Variants in NRG3 observed in about 807,000 individuals in gnomAD.
NRG3 encodes the protein pro-neuregulin-3, membrane-bound isoform.
A neutral mutation model predicts 66.9 loss-of-function variants in NRG3; 31 were observed. The observed-to-expected ratio is 0.46, with a 90% CI of 0.35 to 0.63. The LOEUF (loss-of-function observed/expected upper bound fraction) is 0.63. Ranked by LOEUF, NRG3 falls within the 20% of genes least tolerant of loss-of-function variation. The pLI is 0.00. For missense variants in NRG3, 910 were observed against 878.9 expected (o/e 1.04, Z -0.45); for synonymous variants, 393 against 359.4 (o/e 1.09, Z -1.06).
intron 4 of NRG3, among the ~76,000 whole-genome samples, chr10:82,915,174 T>A (rs1845709438): frequency 6.6e-6 from 1 of 152,236 alleles, no homozygotes; most frequent in African/African-American, 2.4e-5. Flanking sequence ...CAGCAATGGC[T>A]TCTGCTCCCT....
chr10:82,472,536 T>C (rs912754173), intron 2 of NRG3, among the ~76,000 whole-genome samples: 2 of 152,250 alleles, frequency 1.3e-5, no homozygotes, highest in African/African-American at 2.4e-5. Flanking sequence ...TTATCAAGCA[T>C]CGCCGTTTTA....
At chr10:82,062,773 A>G (rs912663566) in intron 1 of NRG3, among the ~76,000 whole-genome samples, 3 of 152,200 alleles carry the variant, frequency 2.0e-5, no homozygotes, top group Non-Finnish European at 4.4e-5. Flanking sequence ...AGGGAAACCA[A>G]AAATGAAGGG....
chr10:82,483,991 A>T (rs1294914687), intron 2 of NRG3, among the ~76,000 whole-genome samples: 1 of 152,224 alleles, frequency 6.6e-6, no homozygotes, highest in African/African-American at 2.4e-5. Flanking sequence ...TTATAGTTCA[A>T]ACTTTTAATC....
At chr10:82,966,472 A>T (rs761490385) in intron 6 of NRG3, among the ~76,000 whole-genome samples, 16 of 152,182 alleles carry the variant, frequency 1.1e-4, no homozygotes, top group Non-Finnish European at 2.4e-4. Context: ...TCATATCAAG[A>T]TACACGCTAC....
At chr10:82,814,200 G>A (rs1201816235) in intron 3 of NRG3, among the ~76,000 whole-genome samples, 1 of 152,170 alleles carries the variant, frequency 6.6e-6, no homozygotes, top group Non-Finnish European at 1.5e-5. Context: ...TCAGCATGTA[G>A]CTTTCCAAAC....
chr10:82,404,485 G>A (rs1037294159), intron 2 of NRG3, among the ~76,000 whole-genome samples: 3 of 152,144 alleles, frequency 2.0e-5, no homozygotes, highest in African/African-American at 7.2e-5. Flanking sequence ...AAATAGAGAA[G>A]CTGCGATTTA....
At chr10:82,167,924 C>A (rs113530298) in intron 1 of NRG3, among the ~76,000 whole-genome samples, 1 of 151,544 alleles carries the variant, frequency 6.6e-6, no homozygotes, top group East Asian at 1.9e-4. Context: ...AGGGGGAAAG[C>A]GTGAGAGGGA....
intron 2 of NRG3, among the ~76,000 whole-genome samples, chr10:82,534,360 G>A (rs1165846012): frequency 6.6e-6 from 1 of 151,948 alleles, no homozygotes. Context: ...GCGCTCCCGG[G>A]TTGAAGCTAT....
rs1190138475 is a variant in NRG3 at position 82,231,828 on chromosome 10, T to TA, written c.824-126910dup. ...TCATTGTGTTTTTCTCCATTAAAGA[T>TA]ATGTCTTCATAAATTCTCTAAAATT... On this transcript the variant is annotated intron_variant, in intron 1 of 8. Transcript: ENST00000372141. Among the ~76,000 whole-genome samples the TA allele has an allele frequency of 2.6e-5, 4 of 152,218 alleles. No homozygotes were observed. In the East Asian group the frequency reaches 7.7e-4, roughly 29 times the overall value.
At chr10:82,006,094 T>G (rs566448347) in intron 1 of NRG3, among the ~76,000 whole-genome samples, 4 of 152,274 alleles carry the variant, frequency 2.6e-5, no homozygotes, top group African/African-American at 7.2e-5. Context: ...TGCATTTGAT[T>G]CTGTTTTCCC....
chr10:82,503,375 A>G (rs1315089280), intron 2 of NRG3, among the ~76,000 whole-genome samples: 1 of 152,210 alleles, frequency 6.6e-6, no homozygotes, highest in African/African-American at 2.4e-5. Flanking sequence ...TTCTGAGAGA[A>G]GGAACTTTGG....
intron 1 of NRG3, among the ~76,000 whole-genome samples, chr10:82,153,396 C>A (rs2070927834): frequency 7.0e-6 from 1 of 142,652 alleles, no homozygotes; most frequent in Non-Finnish European, 1.5e-5. Flanking sequence ...TTGTGTAAGG[C>A]TATATAGTAT....
chr10:82,518,644 G>A (rs1359030853), intron 2 of NRG3, among the ~76,000 whole-genome samples: 1 of 152,016 alleles, frequency 6.6e-6, no homozygotes, highest in Non-Finnish European at 1.5e-5. Flanking sequence ...GATATGTGAA[G>A]CAGTTAACAT....
chr10:82,237,954 G>A (rs1350281415), intron 1 of NRG3, among the ~76,000 whole-genome samples: 1 of 152,080 alleles, frequency 6.6e-6, no homozygotes, highest in Non-Finnish European at 1.5e-5. Context: ...ATAAGAAAAA[G>A]TATTGGTTTC....
chr10:82,672,802 T>G (rs1042683012), intron 2 of NRG3, among the ~76,000 whole-genome samples: 1 of 152,174 alleles, frequency 6.6e-6, no homozygotes, highest in Admixed American at 6.5e-5. Context: ...TGGGCTGGAG[T>G]GCAGTGGCAC....
At chr10:82,398,238 G>C (rs1450088944) in intron 2 of NRG3, among the ~76,000 whole-genome samples, 1 of 152,140 alleles carries the variant, frequency 6.6e-6, no homozygotes, top group East Asian at 1.9e-4. Context: ...TATGGGGAGA[G>C]AAACCAAATA....
chr10:82,920,546 C>T (rs926148477), intron 4 of NRG3, among the ~76,000 whole-genome samples: 22 of 152,072 alleles, frequency 1.4e-4, no homozygotes, highest in South Asian at 6.2e-4. Flanking sequence ...CTAGAAGCAA[C>T]GACACCCCAG....
At chr10:82,067,554 G>T (rs2064553980) in intron 1 of NRG3, among the ~76,000 whole-genome samples, 1 of 152,120 alleles carries the variant, frequency 6.6e-6, no homozygotes, top group Admixed American at 6.6e-5. Context: ...CGCCATGTTG[G>T]CCAGGCTGGT....
chr10:82,807,593 G>A lies in NRG3; in HGVS notation c.1028-57818G>A, dbSNP rs116074496. The stretch of plus-strand genomic sequence containing the variant: ...GAATTTAAAGTGTGATCCAAGGCCA[G>A]CAACATCAGCATCATCTGGGAGCTT... On this transcript the variant is annotated intron_variant, in intron 3 of 8. Transcript: ENST00000372141. Among the ~76,000 whole-genome samples, 1,099 of 152,262 alleles carry A rather than the reference G, an allele frequency of 7.2e-3. 13 individuals carry two copies. The highest frequency in any genetic ancestry group is 0.025 in the African/African-American group (1,049 of 41,544).
Sources: allele counts gnomAD v4.1 joint callset (sites outside exome capture counted in the v4.1 genomes callset), GRCh38; gene constraint gnomAD v4.1.1; transcripts MANE v1.5; gene names NCBI Gene and HGNC (gene_info 2026-07-23, HGNC 2026-07-21).